Variants in CA14 observed in about 807,000 individuals in gnomAD.
CA14 encodes carbonic anhydrase 14.
CA14 carries 44 observed loss-of-function variants against 48.8 expected under a neutral mutation model. That is an observed-to-expected ratio of 0.90 (90% CI 0.71 to 1.16). The LOEUF (loss-of-function observed/expected upper bound fraction) is 1.16, where lower values mean the gene tolerates loss of function less well. Among genes scored for constraint, CA14 ranks in the 50% most tolerant of loss-of-function variants. The pLI, the probability that CA14 is intolerant of heterozygous loss-of-function variation, is 0.00. For missense variants in CA14, 386 were observed against 401.0 expected (o/e 0.96, Z 0.32); for synonymous variants, 154 against 155.0 (o/e 0.99, Z 0.05).
chr1:150,264,475 TTATAGG>T, intron 10 of CA14, 112 bp from the exon 11 acceptor site: 1 of 641,734 alleles, frequency 1.6e-6, no homozygotes, highest in Non-Finnish European at 2.8e-6. Flanking sequence ...AGTGCTGGGA[TTATAGG>T]TGTGAAACAC....
rs192077433 is a variant in CA14, at chr1:150,262,892, C to G, written c.562+22C>G. 2,449 of 1,597,222 alleles carry G rather than the reference C, an allele frequency of 1.5e-3. 3 individuals are homozygous for G. Among genetic ancestry groups the G allele is most frequent in the Admixed American group, 2.0e-3 (121 of 59,990 alleles). ...AAAGGTGAGCCTTAAAAATCTATAG[C>G]AGGAAGTAAGATTAGACTTTCAAAA... On this transcript the variant is annotated intron_variant, in intron 6 of 10. Coordinates refer to ENST00000369111, the MANE Select transcript of CA14 (RefSeq NM_012113.3).
At chr1:150,258,528 C>G (rs1458722492) in intron 1 of CA14, among the ~76,000 whole-genome samples, 1 of 152,104 alleles carries the variant, frequency 6.6e-6, no homozygotes, top group African/African-American at 2.4e-5. Flanking sequence ...TATTTACAAA[C>G]TCCTCCAAAT....
chr1:150,261,637 A>T lies in CA14; in HGVS notation c.255A>T (p.Thr85=). Residue 85 remains threonine (T), a splice_region_variant and synonymous_variant, in exon 3 of 11, where the codon ACA becomes ACT. Transcript: ENST00000369111. ...TGGACCTGCACAACAATGGCCACAC[A>T]GGTAAAAGCACAGGCTCCAAGGAGT... ...EPLDLHNNGH[T]VQLSLPSTLY... is the part of the protein sequence containing the mutation. The T allele has an allele frequency of 6.2e-7, 1 of 1,613,556 alleles. No individual in the cohort carries two copies. The highest frequency in any genetic ancestry group is 8.5e-7 in the Non-Finnish European group (1 of 1,179,650).
At chr1:150,258,390 G>A (rs960883355) in intron 1 of CA14, among the ~76,000 whole-genome samples, 2 of 152,168 alleles carry the variant, frequency 1.3e-5, no homozygotes, top group African/African-American at 4.8e-5. Flanking sequence ...TGGAGGTCGG[G>A]GAGAACTAGC....
At chr1:150,258,956 G>A (rs1553847259) in intron 1 of CA14, among the ~76,000 whole-genome samples, 1 of 152,004 alleles carries the variant, frequency 6.6e-6, no homozygotes, top group African/African-American at 2.4e-5. Flanking sequence ...AGAGAGGATG[G>A]GGGCAGGCAG....
Position 150,258,047 on chromosome 1 carries a change from A to T in CA14, c.-82A>T, listed in dbSNP as rs1650690927. 1.0e-6 allele frequency: 1 copy of T among 978,674 alleles called. No homozygotes were observed. The highest frequency in any genetic ancestry group is 2.8e-5 in the East Asian group (1 of 35,370). 60.6% of individuals were successfully genotyped at this position (978,674 alleles called of 1,614,324 possible). Reference sequence around the variant, plus strand: ...CGCTCGCTCTCTCTCTCTCTCTCTCACTCCTCCCTCCCTCTCTCTCTGCCT... The same window carrying T: ...CGCTCGCTCTCTCTCTCTCTCTCTCTCTCCTCCCTCCCTCTCTCTCTGCCT... On this transcript the variant is annotated 5_prime_UTR_variant, in exon 1 of 11. Coordinates refer to ENST00000369111, the MANE Select transcript of CA14 (RefSeq NM_012113.3).
At chr1:150,262,711 G>C in intron 5 of CA14, 91 bp downstream of exon 5, 1 of 1,374,746 alleles carries the variant, frequency 7.3e-7, no homozygotes, top group Non-Finnish European at 1.0e-6. Flanking sequence ...CCTATGGCAG[G>C]CAGCAGCCCA....
Position 150,263,826 on chromosome 1 carries a change from G to A in CA14, c.895G>A (p.Val299Ile), listed in dbSNP as rs1418506856. 6.2e-7 allele frequency: 1 copy of A among 1,613,794 alleles called. No homozygotes were observed. Among genetic ancestry groups the A allele is most frequent in the African/African-American group, 1.3e-5 (1 of 74,826 alleles). The change falls in exon 10 of 11, where the codon GTT (valine) becomes ATT (isoleucine). Residue 299 changes from valine (V) to isoleucine (I), a missense_variant. Coordinates refer to ENST00000369111, the MANE Select transcript of CA14 (RefSeq NM_012113.3). Reference sequence around the variant, plus strand: ...GCTGAGTCTAGGTGTAGGAATCTTGGTTGGCTGTCTCTGCCTTCTCCTGGC... The same window carrying A: ...GCTGAGTCTAGGTGTAGGAATCTTGATTGGCTGTCTCTGCCTTCTCCTGGC... ...EMLSLGVGIL[V>I]GCLCLLLAVY...
At chr1:150,258,489 T>C (rs967771750) in intron 1 of CA14, among the ~76,000 whole-genome samples, 1 of 152,154 alleles carries the variant, frequency 6.6e-6, no homozygotes, top group Admixed American at 6.5e-5. Context: ...CCCACTGCCC[T>C]GGTCCCAGGC....
Position 150,262,282 on chromosome 1 carries a change from T to C in CA14, c.381T>C (p.Ser127=), listed in dbSNP as rs1553848040. Residue 127 remains serine, a synonymous_variant, in exon 4 of 11, where the codon AGT becomes AGC. Coordinates refer to ENST00000369111, the MANE Select transcript of CA14 (RefSeq NM_012113.3). ...GGGGGTCAGAACACCAGATCAACAG[T>C]GAAGCCACATTTGCAGAGGTACCAG... ...SPGGSEHQIN[S]EATFAELHIV... 1.2e-6 allele frequency: 2 copies of C among 1,603,084 alleles called. No individual in the cohort carries two copies. The highest frequency in any genetic ancestry group is 3.4e-5 in the Admixed American group (2 of 58,096).
At chr1:150,260,202 C>T (rs1266312427) in intron 2 of CA14, 31 bp downstream of exon 2, 3 of 1,611,438 alleles carry the variant, frequency 1.9e-6, no homozygotes, top group Admixed American at 1.7e-5. Flanking sequence ...CCCGACAACC[C>T]TTTCACACTG....
Position 150,261,627 on chromosome 1 carries a change from A to G in CA14, c.245A>G (p.Asn82Ser), listed in dbSNP as rs782011977. Reference sequence around the variant, plus strand: ...ACCGAGCCTTTGGACCTGCACAACAATGGCCACACAGGTAAAAGCACAGGC... The same window carrying G: ...ACCGAGCCTTTGGACCTGCACAACAGTGGCCACACAGGTAAAAGCACAGGC... ...PGTEPLDLHNNGHTVQLSLPS... is the reference protein window; with the variant it reads ...PGTEPLDLHNSGHTVQLSLPS... Residue 82 changes from asparagine to serine, a missense_variant, in exon 3 of 11, where the codon AAT becomes AGT. Physicochemically the swap from Asn to Ser is conservative, Grantham distance 46. Transcript: ENST00000369111. The G allele has an allele frequency of 1.2e-5, 19 of 1,613,894 alleles. No homozygotes were observed. The highest frequency in any genetic ancestry group is 1.6e-5 in the Non-Finnish European group (19 of 1,179,900).
At chr1:150,260,290 CT>C (rs1553847526) in intron 2 of CA14, 119 bp downstream of exon 2, 1 of 939,828 alleles carries the variant, frequency 1.1e-6, no homozygotes, top group Admixed American at 1.9e-5. Flanking sequence ...TAGCTCCTCC[CT>C]TCTGGATCTC....
intron 8 of CA14, 105 bp downstream of exon 8, chr1:150,263,524 G>A (rs1035757166): frequency 1.2e-6 from 2 of 1,606,308 alleles, no homozygotes; most frequent in East Asian, 2.2e-5. Flanking sequence ...GGGTTTCTGG[G>A]ACTTGCTTGG....
rs1651493499 is a variant in CA14 at position 150,264,590 on chromosome 1, C to T, written c.948-3C>T. ...CATTCTCATGAGCCATTCCCCTTTC[C>T]AGGAAGAAGAGGCTGGAAAACCGAA... On this transcript the variant is annotated splice_polypyrimidine_tract_variant and splice_region_variant and intron_variant, in intron 10 of 10. Coordinates refer to ENST00000369111, the MANE Select transcript of CA14 (RefSeq NM_012113.3). The T allele has an allele frequency of 1.9e-6, 3 of 1,590,944 alleles. No homozygotes were observed. Among genetic ancestry groups the T allele is most frequent in the South Asian group, 2.2e-5 (2 of 90,574 alleles).
At chr1:150,259,966 GC>G (rs1180305001) in intron 1 of CA14, among the ~76,000 whole-genome samples, 184 bp from the exon 2 acceptor site, 1 of 152,138 alleles carries the variant, frequency 6.6e-6, no homozygotes, top group African/African-American at 2.4e-5. Flanking sequence ...TTTTAAATAG[GC>G]CCCCCGACCT....
At chr1:150,263,272 C>G in intron 7 of CA14, 27 bp from the exon 8 acceptor site, 1 of 1,613,864 alleles carries the variant, frequency 6.2e-7, no homozygotes, top group Non-Finnish European at 8.5e-7. Flanking sequence ...CCCAAAGTAA[C>G]ACCTCTCCCA....
intron 1 of CA14, 36 bp from the exon 2 acceptor site, chr1:150,260,115 T>A: frequency 1.9e-6 from 3 of 1,611,824 alleles, no homozygotes; most frequent in Non-Finnish European, 2.5e-6. Flanking sequence ...TGCCCCAGGC[T>A]GCGCTGGCTG....
intron 1 of CA14, among the ~76,000 whole-genome samples, chr1:150,259,036 C>T (rs2101826062): frequency 6.6e-6 from 1 of 152,236 alleles, no homozygotes; most frequent in South Asian, 2.1e-4. Flanking sequence ...GAGGAAGAGA[C>T]AGAATAAGTG....
Sources: allele counts gnomAD v4.1 joint callset (sites outside exome capture counted in the v4.1 genomes callset), GRCh38; gene constraint gnomAD v4.1.1; transcripts MANE v1.5; gene names NCBI Gene and HGNC (gene_info 2026-07-23, HGNC 2026-07-21).